The following MRPL3 variants were observed in gnomAD, a reference collection of about 807,000 sequenced individuals.
MRPL3 encodes the protein mitochondrial ribosomal protein L3.
A neutral mutation model predicts 44.3 loss-of-function variants in MRPL3; 43 were observed. The ratio of observed to expected loss-of-function variants is 0.97; its 90% confidence interval spans 0.76 to 1.25. The LOEUF (loss-of-function observed/expected upper bound fraction) is 1.25, where lower values mean the gene tolerates loss of function less well. MRPL3 is among the 50% of genes most tolerant of loss of function. The pLI is 0.00. For missense variants in MRPL3, 406 were observed against 427.6 expected, an observed-to-expected ratio of 0.95 and a Z score of 0.45; for synonymous variants, 171 against 152.3, an observed-to-expected ratio of 1.12 and a Z score of -0.91.
chr3:131,479,887 AT>A (rs1933942207), intron 6 of MRPL3, among the ~76,000 whole-genome samples: 1 of 152,234 alleles, frequency 6.6e-6, no homozygotes, highest in Admixed American at 6.5e-5. Context: ...GTGATAAAGT[AT>A]TACTGAATAT....
intron 6 of MRPL3, chr3:131,479,043 G>C (rs1933917991): frequency 2.2e-6 from 1 of 458,334 alleles, no homozygotes; most frequent in Non-Finnish European, 4.3e-6. Flanking sequence ...ACTCTAAGTA[G>C]AGGTTTTTCA....
chr3:131,463,980 C>A (rs1403122003), intron 9 of MRPL3, among the ~76,000 whole-genome samples: 1 of 151,968 alleles, frequency 6.6e-6, no homozygotes, highest in African/African-American at 2.4e-5. Flanking sequence ...TACAGAAAAA[C>A]AGATCTACTT....
At chr3:131,487,231 A>C (rs2110708574) in intron 6 of MRPL3, 1 of 157,592 alleles carries the variant, frequency 6.3e-6, no homozygotes, top group African/African-American at 2.4e-5. Context: ...GTTCTCACTC[A>C]TAGGTGGGAA....
chr3:131,479,689 C>CA (rs1272658671), intron 6 of MRPL3, among the ~76,000 whole-genome samples: 2 of 151,908 alleles, frequency 1.3e-5, no homozygotes, highest in African/African-American at 2.4e-5. Flanking sequence ...ACTAAAAATA[C>CA]AAAAAAATAG....
chr3:131,465,714 T>C (rs1373951274), intron 9 of MRPL3, among the ~76,000 whole-genome samples: 1 of 152,098 alleles, frequency 6.6e-6, no homozygotes, highest in Admixed American at 6.6e-5. Context: ...TCACATGAAT[T>C]ATGAAGACAA....
chr3:131,499,616 A>C (rs146844284), intron 3 of MRPL3, among the ~76,000 whole-genome samples: 4 of 152,312 alleles, frequency 2.6e-5, no homozygotes, highest in African/African-American at 9.6e-5. Flanking sequence ...ACTTAGGTGC[A>C]TGAGCTGTTA....
chr3:131,494,273 C>T (rs1236547099), intron 4 of MRPL3, among the ~76,000 whole-genome samples: 1 of 152,152 alleles, frequency 6.6e-6, no homozygotes, highest in African/African-American at 2.4e-5. Flanking sequence ...TATTTTATTT[C>T]CTACACGCTG....
chr3:131,502,707 A>G (rs1161824852), intron 1 of MRPL3, 23 bp downstream of exon 1: 2 of 1,590,146 alleles, frequency 1.3e-6, no homozygotes, highest in Non-Finnish European at 1.7e-6. Flanking sequence ...CTGTGCAGGT[A>G]GGACACCCTC....
chr3:131,481,625 T>C (rs1033552904), intron 6 of MRPL3, among the ~76,000 whole-genome samples: 1 of 152,156 alleles, frequency 6.6e-6, no homozygotes, highest in African/African-American at 2.4e-5. Flanking sequence ...ACATGCTGCT[T>C]TGTAAATAAG....
chr3:131,497,811 A>AT (rs1468121895), intron 4 of MRPL3, among the ~76,000 whole-genome samples: 1 of 152,242 alleles, frequency 6.6e-6, no homozygotes, highest in Non-Finnish European at 1.5e-5. Context: ...ACATAAAACA[A>AT]TAACAAAATA....
chr3:131,492,200 G>A (rs1934272340), intron 4 of MRPL3, among the ~76,000 whole-genome samples: 1 of 152,074 alleles, frequency 6.6e-6, no homozygotes, highest in Middle Eastern at 3.4e-3. Context: ...TATCCCCTCA[G>A]CCTACTTTTA....
intron 4 of MRPL3, among the ~76,000 whole-genome samples, chr3:131,494,586 C>A (rs142113436): frequency 0.013 from 1,908 of 152,202 alleles, 18 homozygotes; most frequent in East Asian, 0.036. Flanking sequence ...ACAAAACAGA[C>A]AATATATATA....
At chr3:131,501,817 T>A (rs1384534877) in intron 1 of MRPL3, 102 bp from the exon 2 acceptor site, 7 of 1,598,026 alleles carry the variant, frequency 4.4e-6, no homozygotes, top group Non-Finnish European at 6.0e-6. Flanking sequence ...AGTCAGGGCC[T>A]TGGGAAAGGG....
intron 8 of MRPL3, among the ~76,000 whole-genome samples, chr3:131,468,780 A>G (rs1162712235): frequency 1.3e-5 from 2 of 152,116 alleles, no homozygotes; most frequent in Non-Finnish European, 2.9e-5. Flanking sequence ...ATGGTCTCTG[A>G]TAAGTATAAA....
At chr3:131,471,072 G>A in intron 7 of MRPL3, 99 bp downstream of exon 7, 1 of 818,292 alleles carries the variant, frequency 1.2e-6, no homozygotes. Flanking sequence ...CCTTGTGTCA[G>A]ACTAAAATTA....
At position 131,502,938 on chromosome 3, in the gene MRPL3, G is replaced by T. The variant is rs980527763; in HGVS notation, c.-117C>A. On this transcript the variant is annotated 5_prime_UTR_variant, in exon 1 of 10. Coordinates refer to ENST00000264995, the MANE Select transcript of MRPL3 (RefSeq NM_007208.4). ...TAGCCGTGGGGAAGTTTTCGCAATGGCCGCCGGAACGGTCGCCGGCCGATG... is the reference window on the plus strand; with the variant it reads ...TAGCCGTGGGGAAGTTTTCGCAATGTCCGCCGGAACGGTCGCCGGCCGATG... 1 of 960,696 alleles carries T rather than the reference G, an allele frequency of 1.0e-6. No homozygotes were observed. The highest frequency in any genetic ancestry group is 1.4e-5 in the South Asian group (1 of 71,614). The allele number at this position is 960,696 out of a possible 1,614,324, so 59.5% of individuals were successfully genotyped here.
intron 6 of MRPL3, among the ~76,000 whole-genome samples, chr3:131,476,620 A>G (rs1933857888): frequency 6.6e-6 from 1 of 152,194 alleles, no homozygotes; most frequent in South Asian, 2.1e-4. Context: ...TCCCAATTTT[A>G]GTTAGATATA....
intron 6 of MRPL3, among the ~76,000 whole-genome samples, chr3:131,473,996 A>G (rs1185485861): frequency 1.3e-5 from 2 of 152,182 alleles, no homozygotes; most frequent in African/African-American, 4.8e-5. Context: ...AACAGTATGG[A>G]AGCATCCCTC....
At chr3:131,479,986 A>G (rs1208210858) in intron 6 of MRPL3, among the ~76,000 whole-genome samples, 1 of 152,260 alleles carries the variant, frequency 6.6e-6, no homozygotes, top group Non-Finnish European at 1.5e-5. Flanking sequence ...AACTATCCAA[A>G]TGTTCTTAGT....
Sources: gnomAD v4.1 joint callset for allele counts (sites outside exome capture counted in the v4.1 genomes callset) on GRCh38, gnomAD v4.1.1 for gene constraint, MANE v1.5 for transcripts, NCBI Gene and HGNC (gene_info 2026-07-23, HGNC 2026-07-21) for gene names.